GPHN: variants seen among roughly 807,000 people sequenced by gnomAD.
GPHN encodes the protein gephyrin.
GPHN carries 17 observed loss-of-function variants against 95.5 expected under a neutral mutation model. The ratio of observed to expected loss-of-function variants is 0.18; its 90% CI spans 0.12 to 0.27. The LOEUF (loss-of-function observed/expected upper bound fraction) is 0.27, where lower values mean the gene tolerates loss of function less well. GPHN is among the 10% of genes least tolerant of loss of function. The probability of loss-of-function intolerance (pLI) is 1.00; values close to 1 mark genes in which losing one functional copy is unlikely to be tolerated. For synonymous variants in GPHN, 320 were observed against 322.5 expected (o/e 0.99, Z 0.08); for missense variants, 660 against 978.1 (o/e 0.67, Z 4.34).
At chr14:67,267,144 T>A in the GPHN span, among the ~76,000 whole-genome samples, 4 of 152,170 alleles carry the variant, frequency 2.6e-5, no homozygotes, top group Non-Finnish European at 5.9e-5. Context: ...AAATTTGGTT[T>A]CTTTGAGATA....
chr14:66,800,070 G>A (rs1408917354), intron 3 of GPHN, among the ~76,000 whole-genome samples: 2 of 152,026 alleles, frequency 1.3e-5, no homozygotes, highest in East Asian at 3.9e-4. Context: ...AAACAAGCAA[G>A]CAAGCCACAA....
At chr14:66,976,232 T>C (rs2070211561) in intron 9 of GPHN, among the ~76,000 whole-genome samples, 1 of 152,234 alleles carries the variant, frequency 6.6e-6, no homozygotes, top group Non-Finnish European at 1.5e-5. Flanking sequence ...ATATCCACTC[T>C]AGTTTTGTTC....
intron 4 of GPHN, among the ~76,000 whole-genome samples, chr14:66,843,929 A>G (rs1043262978): frequency 3.3e-5 from 5 of 151,954 alleles, no homozygotes; most frequent in African/African-American, 9.7e-5. Context: ...ATAATTTTCC[A>G]TATACTAAAA....
the GPHN span, among the ~76,000 whole-genome samples, chr14:67,324,568 TTTGTTG>T: frequency 0.02 from 3,050 of 152,154 alleles, 97 homozygotes; most frequent in African/African-American, 0.07. Context: ...GATTGTTTTT[TTTGTTG>T]TTGTTGTTGT....
the GPHN span, chr14:67,562,098 CG>C: frequency 0.26 from 418,363 of 1,610,570 alleles, 55,885 homozygotes; most frequent in Non-Finnish European, 0.27. Flanking sequence ...GGCTGAGCTA[CG>C]GGAGCTCTCA....
At chr14:67,645,030 A>ACT in the GPHN span, among the ~76,000 whole-genome samples, 1 of 151,932 alleles carries the variant, frequency 6.6e-6, no homozygotes, top group Admixed American at 6.6e-5. Context: ...ATGCCATGCT[A>ACT]ATATATATAA....
the GPHN span, chr14:67,364,891 A>G: frequency 6.3e-5 from 102 of 1,613,964 alleles, no homozygotes; most frequent in Non-Finnish European, 7.9e-5. Context: ...ATACAACAAC[A>G]TTGAAGGCAT....
At chr14:67,145,802 T>C (rs1314101702) in intron 18 of GPHN, among the ~76,000 whole-genome samples, 1 of 152,234 alleles carries the variant, frequency 6.6e-6, no homozygotes, top group Admixed American at 6.5e-5. Flanking sequence ...AAGTATTATG[T>C]AGCAGGCATG....
At chr14:66,806,514 C>G (rs1199939437) in intron 3 of GPHN, among the ~76,000 whole-genome samples, 1 of 152,134 alleles carries the variant, frequency 6.6e-6, no homozygotes, top group Non-Finnish European at 1.5e-5. Flanking sequence ...ATTTTCCAAA[C>G]TTTTACACTC....
the GPHN span, chr14:67,486,953 C>G: frequency 6.6e-6 from 1 of 152,290 alleles, no homozygotes; most frequent in South Asian, 2.1e-4. Flanking sequence ...GCCGAGCAGG[C>G]AGGATCGCTG....
chr14:67,571,820 T>C, the GPHN span: 10 of 1,613,914 alleles, frequency 6.2e-6, no homozygotes, highest in South Asian at 6.6e-5. Context: ...ACTGCAGCTC[T>C]CAGGCGAGTT....
At chr14:66,842,736 C>G in intron 4 of GPHN, 9 of 1,496,220 alleles carry the variant, frequency 6.0e-6, no homozygotes, top group Non-Finnish European at 8.1e-6. Context: ...GACTTCAATC[C>G]CAGCCAATCA....
intron 13 of GPHN, among the ~76,000 whole-genome samples, chr14:67,108,611 AT>A (rs1290914759): frequency 3.9e-5 from 6 of 152,126 alleles, no homozygotes; most frequent in Non-Finnish European, 1.5e-5. Context: ...TAATAATATT[AT>A]GGAGAGAAGA....
the GPHN span, among the ~76,000 whole-genome samples, chr14:67,194,938 G>A: frequency 2.8e-4 from 42 of 152,140 alleles, no homozygotes; most frequent in Non-Finnish European, 2.9e-4. Flanking sequence ...GATTATAGGC[G>A]TGAGCCACCG....
intron 11 of GPHN, among the ~76,000 whole-genome samples, chr14:67,088,034 G>C (rs1176067349): frequency 6.6e-6 from 1 of 152,098 alleles, no homozygotes; most frequent in African/African-American, 2.4e-5. Flanking sequence ...ATCCAGAGTA[G>C]TCTGAATACT....
intron 3 of GPHN, among the ~76,000 whole-genome samples, chr14:66,816,827 A>G (rs2060988408): frequency 6.6e-6 from 1 of 152,168 alleles, no homozygotes; most frequent in Admixed American, 6.5e-5. Context: ...AGAGATTGAG[A>G]CAGAAAAAAT....
intron 2 of GPHN, among the ~76,000 whole-genome samples, chr14:66,752,049 A>C (rs1254769055): frequency 6.6e-6 from 1 of 152,098 alleles, no homozygotes; most frequent in Non-Finnish European, 1.5e-5. Flanking sequence ...ATAGCTTCTT[A>C]AACCTCATGA....
intron 17 of GPHN, among the ~76,000 whole-genome samples, chr14:67,137,035 T>G (rs1389009616): frequency 6.6e-6 from 1 of 152,066 alleles, no homozygotes; most frequent in African/African-American, 2.4e-5. Flanking sequence ...CACACACTTG[T>G]AATCCCAGCT....
the GPHN span, among the ~76,000 whole-genome samples, chr14:67,667,541 T>A: frequency 1.4e-4 from 22 of 152,316 alleles, no homozygotes; most frequent in Middle Eastern, 0.017. Context: ...TAACATTCAC[T>A]TAGCAAGTGC....
Sources: gnomAD v4.1 joint callset for allele counts (sites outside exome capture counted in the v4.1 genomes callset) on GRCh38, gnomAD v4.1.1 for gene constraint, MANE v1.5 for transcripts, NCBI Gene and HGNC (gene_info 2026-07-23, HGNC 2026-07-21) for gene names.